GRM7: variants seen among roughly 807,000 people sequenced by gnomAD.
GRM7 encodes metabotropic glutamate receptor 7.
A neutral mutation model predicts 84.5 loss-of-function variants in GRM7; 35 were observed. The ratio of observed to expected loss-of-function variants is 0.41; its 90% CI spans 0.32 to 0.55. GRM7 has a LOEUF of 0.55. GRM7 is among the 20% of genes least tolerant of loss of function. The pLI, the probability that GRM7 is intolerant of heterozygous loss-of-function variation, is 0.19. For synonymous variants in GRM7, 487 were observed against 455.1 expected (o/e 1.07, Z -0.89); for missense variants, 1,003 against 1,194.6 (o/e 0.84, Z 2.36).
chr3:7,701,629 C>T (rs1346405422), intron 9 of GRM7, among the ~76,000 whole-genome samples: 1 of 152,096 alleles, frequency 6.6e-6, no homozygotes, highest in Admixed American at 6.5e-5. Flanking sequence ...TCCCTTCAGG[C>T]CTCAGTAAGA....
intron 9 of GRM7, among the ~76,000 whole-genome samples, chr3:7,724,542 G>A (rs1702058424): frequency 6.6e-6 from 1 of 152,200 alleles, no homozygotes; most frequent in South Asian, 2.1e-4. Flanking sequence ...ATCAGAGGCT[G>A]TTCCTACTCA....
At chr3:7,580,837 G>T (rs552448940) in intron 8 of GRM7, among the ~76,000 whole-genome samples, 5 of 151,778 alleles carry the variant, frequency 3.3e-5, no homozygotes, top group African/African-American at 1.2e-4. Context: ...TGTATTCCTG[G>T]GCCAAGGGAA....
chr3:7,619,018 G>T (rs1309013545), intron 8 of GRM7, among the ~76,000 whole-genome samples: 2 of 152,104 alleles, frequency 1.3e-5, no homozygotes, highest in Admixed American at 1.3e-4. Context: ...GTGTATAGGT[G>T]GCTTTTCCTT....
At chr3:7,654,206 GGGTTCATAA>G (rs1459433418) in intron 8 of GRM7, among the ~76,000 whole-genome samples, 1 of 152,174 alleles carries the variant, frequency 6.6e-6, no homozygotes. Context: ...CAAGTAGAGA[GGGTTCATAA>G]ATAAGTTGCA....
At chr3:6,986,491 C>G (rs551299825) in intron 1 of GRM7, among the ~76,000 whole-genome samples, 9 of 152,314 alleles carry the variant, frequency 5.9e-5, no homozygotes, top group African/African-American at 2.2e-4. Flanking sequence ...AGTTCTACAT[C>G]TTGAAATGGA....
intron 9 of GRM7, chr3:7,682,393 A>G (rs984853613): frequency 1.3e-5 from 2 of 151,768 alleles, no homozygotes; most frequent in Non-Finnish European, 2.9e-5. Context: ...ATATGAACAT[A>G]TGTGTGCATC....
chr3:7,340,498 G>A (rs73113718), intron 4 of GRM7, among the ~76,000 whole-genome samples: 5,941 of 152,122 alleles, frequency 0.039, 244 homozygotes, highest in African/African-American at 0.11. Flanking sequence ...AACAGTATGG[G>A]AGAAATGGCT....
chr3:6,937,635 G>A (rs2125052325), intron 1 of GRM7, among the ~76,000 whole-genome samples: 1 of 152,306 alleles, frequency 6.6e-6, no homozygotes, highest in South Asian at 2.1e-4. Context: ...CCTGAAAGTG[G>A]TCATCTTAAT....
rs911772568 is a variant in GRM7, at chr3:6,891,457, G to C, written c.519+29550G>C. Among the ~76,000 whole-genome samples the C allele has an allele frequency of 3.3e-5, 5 of 152,140 alleles. No homozygotes were observed. In the East Asian group the frequency reaches 7.7e-4, roughly 23 times the overall value. On this transcript the variant is annotated intron_variant, in intron 1 of 9. Coordinates refer to ENST00000357716, the MANE Select transcript of GRM7 (RefSeq NM_000844.4). ...TAACAAAATCTCTCAGCATTTGCTTGTCTGTAAAGTATTTTATTTCTCCTT... is the reference window on the plus strand; with the variant it reads ...TAACAAAATCTCTCAGCATTTGCTTCTCTGTAAAGTATTTTATTTCTCCTT...
chr3:7,391,884 A>G (rs1695013493), intron 4 of GRM7, among the ~76,000 whole-genome samples: 1 of 152,010 alleles, frequency 6.6e-6, no homozygotes, highest in African/African-American at 2.4e-5. Context: ...GAAGCTGGAA[A>G]AGCAAACTCA....
At chr3:7,261,548 G>T (rs535822236) in intron 2 of GRM7, among the ~76,000 whole-genome samples, 1 of 152,100 alleles carries the variant, frequency 6.6e-6, no homozygotes, top group South Asian at 2.1e-4. Context: ...TCCTTATTCA[G>T]CTTGCCACTG....
At chr3:7,580,983 T>C (rs1695221460) in intron 8 of GRM7, among the ~76,000 whole-genome samples, 1 of 152,140 alleles carries the variant, frequency 6.6e-6, no homozygotes, top group Non-Finnish European at 1.5e-5. Flanking sequence ...ATGGAGATAA[T>C]AATTATTTTG....
At chr3:7,573,365 G>A (rs928029195) in intron 7 of GRM7, among the ~76,000 whole-genome samples, 1 of 152,092 alleles carries the variant, frequency 6.6e-6, no homozygotes, top group African/African-American at 2.4e-5. Flanking sequence ...CTTGGTCTAT[G>A]GAGTAAGCTT....
intron 9 of GRM7, among the ~76,000 whole-genome samples, chr3:7,689,988 G>T (rs1369705372): frequency 6.6e-6 from 1 of 152,124 alleles, no homozygotes; most frequent in Non-Finnish European, 1.5e-5. Context: ...CCAAGCTACA[G>T]GTGGAGACCA....
intron 2 of GRM7, among the ~76,000 whole-genome samples, chr3:7,225,709 A>T (rs192916364): frequency 6.6e-6 from 1 of 151,934 alleles, no homozygotes; most frequent in African/African-American, 2.4e-5. Context: ...TTGCTTGTAC[A>T]TTAAGTAGAA....
At chr3:7,501,500 T>G (rs904556491) in intron 7 of GRM7, among the ~76,000 whole-genome samples, 2 of 152,192 alleles carry the variant, frequency 1.3e-5, no homozygotes, top group African/African-American at 4.8e-5. Flanking sequence ...CATCTGAGTT[T>G]GGCACTAGTT....
chr3:7,431,877 A>AT, intron 5 of GRM7, among the ~76,000 whole-genome samples: 1 of 152,188 alleles, frequency 6.6e-6, no homozygotes, highest in Non-Finnish European at 1.5e-5. Flanking sequence ...AGAAATAAAT[A>AT]TGCATTCAAA....
At chr3:7,707,821 A>G (rs1001458857) in intron 9 of GRM7, among the ~76,000 whole-genome samples, 6 of 151,848 alleles carry the variant, frequency 4.0e-5, no homozygotes, top group Admixed American at 6.6e-5. Context: ...GCACATGTCT[A>G]CTTACTGTGC....
Position 7,602,925 on chromosome 3 carries a change from A to T in GRM7, c.2451+23568A>T, listed in dbSNP as rs547877181. On this transcript the variant is annotated intron_variant, in intron 8 of 9. Transcript: ENST00000357716. Reference sequence around the variant, plus strand: ...CATGTGGGGAATGAGTTGAGTTGGTAAGTTAAGCTTTTAAAAGTTGTAGGT... The same window carrying T: ...CATGTGGGGAATGAGTTGAGTTGGTTAGTTAAGCTTTTAAAAGTTGTAGGT... Among the ~76,000 whole-genome samples, 13 of 152,226 alleles carry T rather than the reference A, an allele frequency of 8.5e-5. No individual in the cohort carries two copies. The South Asian group carries it at 2.7e-3, about 32-fold the overall frequency.
Sources: allele counts gnomAD v4.1 joint callset (sites outside exome capture counted in the v4.1 genomes callset), GRCh38; gene constraint gnomAD v4.1.1; transcripts MANE v1.5; gene names NCBI Gene and HGNC (gene_info 2026-07-23, HGNC 2026-07-21).